Variants in CACNA2D3 observed in about 807,000 individuals in gnomAD.
The protein encoded by CACNA2D3 is voltage-dependent calcium channel subunit alpha-2/delta-3.
A neutral mutation model predicts 160.6 loss-of-function variants in CACNA2D3; 60 were observed. The ratio of observed to expected loss-of-function variants is 0.37; its 90% CI spans 0.30 to 0.46. The LOEUF (loss-of-function observed/expected upper bound fraction) is 0.46. Ranked by LOEUF, CACNA2D3 falls within the 20% of genes least tolerant of loss-of-function variation. CACNA2D3 has a pLI of 1.00. For missense variants in CACNA2D3, 1,205 were observed against 1,365.0 expected (o/e 0.88, Z 1.85); for synonymous variants, 558 against 492.9 (o/e 1.13, Z -1.75).
At chr3:54,343,191 C>T (rs890721455) in intron 3 of CACNA2D3, among the ~76,000 whole-genome samples, 1 of 152,126 alleles carries the variant, frequency 6.6e-6, no homozygotes, top group African/African-American at 2.4e-5. Flanking sequence ...GTTTAAAGCC[C>T]CCCCCTCCCA....
chr3:54,436,196 A>C (rs1700057380), intron 4 of CACNA2D3, among the ~76,000 whole-genome samples: 1 of 152,266 alleles, frequency 6.6e-6, no homozygotes, highest in Non-Finnish European at 1.5e-5. Flanking sequence ...ATCACTGGTC[A>C]TTAGAAAAAT....
rs1032972762 is a variant in CACNA2D3 at position 54,519,895 on chromosome 3, A to G, written c.544+16241A>G. 3.9e-5 allele frequency among the ~76,000 whole-genome samples: 6 copies of G among 152,262 alleles called. No individual in the cohort carries two copies. The South Asian group carries it at 1.0e-3, about 26-fold the overall frequency. The stretch of plus-strand genomic sequence containing the variant: ...AACTTGGTTGGTTGAAAAGCACAAC[A>G]TTACGCTGGCCCTGAATGGCTACGT... On this transcript the variant is annotated intron_variant, in intron 5 of 37. Transcript: ENST00000474759.
intron 3 of CACNA2D3, among the ~76,000 whole-genome samples, chr3:54,348,688 A>C (rs1698499040): frequency 6.6e-6 from 1 of 152,218 alleles, no homozygotes; most frequent in South Asian, 2.1e-4. Flanking sequence ...TCAAGAAGAG[A>C]GATGCTGTGT....
At chr3:55,059,486 T>C (rs918923218) in intron 35 of CACNA2D3, among the ~76,000 whole-genome samples, 63 of 152,082 alleles carry the variant, frequency 4.1e-4, no homozygotes, top group African/African-American at 1.3e-3. Flanking sequence ...TCAAACCCCT[T>C]ATGGGATGGG....
chr3:54,272,483 A>G (rs948970025), intron 2 of CACNA2D3, among the ~76,000 whole-genome samples: 6 of 151,940 alleles, frequency 3.9e-5, no homozygotes, highest in African/African-American at 1.5e-4. Flanking sequence ...CTGGCTTCCT[A>G]CACTGCTTGG....
At chr3:54,755,220 A>G (rs1701948867) in intron 12 of CACNA2D3, among the ~76,000 whole-genome samples, 1 of 152,072 alleles carries the variant, frequency 6.6e-6, no homozygotes, top group Non-Finnish European at 1.5e-5. Context: ...TGAAGAGATT[A>G]TGGTACCCAG....
chr3:54,575,925 G>T (rs761188993), intron 8 of CACNA2D3, among the ~76,000 whole-genome samples: 2 of 152,292 alleles, frequency 1.3e-5, no homozygotes, highest in South Asian at 4.2e-4. Context: ...CACATAGGGG[G>T]GTGGGTGAAT....
chr3:54,623,170 C>T (rs767051484), intron 9 of CACNA2D3, among the ~76,000 whole-genome samples: 76 of 143,800 alleles, frequency 5.3e-4, no homozygotes, highest in African/African-American at 1.0e-3. Context: ...CAGGCATGCC[C>T]GGATCTAGGG....
chr3:54,950,092 G>A (rs769186975), intron 27 of CACNA2D3, among the ~76,000 whole-genome samples: 8 of 152,210 alleles, frequency 5.3e-5, no homozygotes, highest in Admixed American at 2.6e-4. Flanking sequence ...TGAAAAAAGG[G>A]CGAAGTCTTT....
intron 27 of CACNA2D3, chr3:54,918,581 C>T: frequency 6.2e-7 from 1 of 1,614,116 alleles, no homozygotes; most frequent in Non-Finnish European, 8.5e-7. Flanking sequence ...TAGATGGCAG[C>T]TGCCAACATC....
chr3:54,362,116 A>G (rs752420544), intron 3 of CACNA2D3, among the ~76,000 whole-genome samples: 7 of 152,228 alleles, frequency 4.6e-5, no homozygotes, highest in Admixed American at 6.5e-5. Flanking sequence ...TTAGCAGGAT[A>G]AGATGATGCC....
intron 14 of CACNA2D3, among the ~76,000 whole-genome samples, chr3:54,822,741 T>TC (rs1249201569): frequency 1.9e-5 from 1 of 53,980 alleles, no homozygotes; most frequent in African/African-American, 8.8e-5. Flanking sequence ...TTTCTTTCTT[T>TC]CTTTCTTTCT....
chr3:54,657,214 G>T (rs1487343843), intron 11 of CACNA2D3, among the ~76,000 whole-genome samples: 5 of 152,182 alleles, frequency 3.3e-5, no homozygotes, highest in Admixed American at 3.3e-4. Flanking sequence ...AATGTCATCA[G>T]TTAAGGCAGG....
intron 4 of CACNA2D3, among the ~76,000 whole-genome samples, chr3:54,425,023 G>T (rs1019965769): frequency 6.6e-6 from 1 of 152,154 alleles, no homozygotes; most frequent in Non-Finnish European, 1.5e-5. Flanking sequence ...GCTAGTGAAG[G>T]AACATGGATT....
intron 27 of CACNA2D3, among the ~76,000 whole-genome samples, chr3:54,929,344 T>C (rs1195120728): frequency 1.3e-5 from 2 of 152,174 alleles, no homozygotes; most frequent in Admixed American, 6.5e-5. Context: ...TGCTGCCAAC[T>C]TCTGAGGACA....
chr3:54,714,655 A>G (rs959557026), intron 11 of CACNA2D3, among the ~76,000 whole-genome samples: 2 of 152,176 alleles, frequency 1.3e-5, no homozygotes, highest in African/African-American at 4.8e-5. Flanking sequence ...TTACAATCAT[A>G]GACTATTTCC....
intron 4 of CACNA2D3, among the ~76,000 whole-genome samples, chr3:54,444,837 A>T (rs946951349): frequency 1.6e-4 from 24 of 152,230 alleles, no homozygotes; most frequent in African/African-American, 5.1e-4. Flanking sequence ...GGATTTCCTT[A>T]TTAGAAAACC....
At chr3:54,232,008 C>T (rs1182258005) in intron 2 of CACNA2D3, among the ~76,000 whole-genome samples, 2 of 152,206 alleles carry the variant, frequency 1.3e-5, no homozygotes, top group African/African-American at 2.4e-5. Flanking sequence ...TCCATTGTCT[C>T]GTTATTTAAG....
intron 2 of CACNA2D3, among the ~76,000 whole-genome samples, chr3:54,280,145 G>A (rs900448032): frequency 1.3e-5 from 2 of 151,862 alleles, no homozygotes; most frequent in East Asian, 3.9e-4. Flanking sequence ...GCAGTGGTGC[G>A]ATCTCTGCTC....
Sources: allele counts gnomAD v4.1 joint callset (sites outside exome capture counted in the v4.1 genomes callset), GRCh38; gene constraint gnomAD v4.1.1; transcripts MANE v1.5; gene names NCBI Gene and HGNC (gene_info 2026-07-23, HGNC 2026-07-21).